The following RPS6KA2 variants were observed in gnomAD, a reference collection of about 807,000 sequenced individuals.
RPS6KA2 encodes ribosomal protein S6 kinase A2, also known as ribosomal protein S6 kinase alpha-2.
A neutral mutation model predicts 91.8 loss-of-function variants in RPS6KA2; 42 were observed. The observed-to-expected ratio is 0.46, with a 90% CI of 0.36 to 0.59. The LOEUF is 0.59. RPS6KA2 is among the 20% of genes least tolerant of loss of function. The pLI is 0.00. For missense variants in RPS6KA2, 798 were observed against 978.5 expected, an observed-to-expected ratio of 0.82 and a Z score of 2.46; for synonymous variants, 414 against 393.6, an observed-to-expected ratio of 1.05 and a Z score of -0.61.
At chr6:166,510,473 A>G in intron 3 of RPS6KA2, 116 bp from the exon 4 acceptor site, 1 of 552,294 alleles carries the variant, frequency 1.8e-6, no homozygotes, top group South Asian at 3.4e-5. Context: ...AATTTCAAAC[A>G]TATACAAAAC....
In RPS6KA2 at chr6:166,464,991, AAAATAAATAAAT is replaced by A. The variant is rs150212089; in HGVS notation, c.972+4838_972+4849del. ...GTGGGATGACAGGTGTTTACTTAAA[AAAATAAATAAAT>A]AAATAAATAAATAAAAAGATCTGCT... On this transcript the variant is annotated intron_variant, in intron 11 of 20. Transcript: ENST00000265678. Among the ~76,000 whole-genome samples the A allele has an allele frequency of 2.4e-3, 363 of 150,850 alleles. 3 individuals carry two copies. The highest frequency in any genetic ancestry group is 8.4e-3 in the African/African-American group (344 of 40,924).
chr6:166,520,589 G>A (rs1216583259), intron 3 of RPS6KA2, among the ~76,000 whole-genome samples: 1 of 152,170 alleles, frequency 6.6e-6, no homozygotes. Context: ...CCCAAAAGTG[G>A]GATGCCCCTA....
chr6:166,834,791 C>G (rs1334876519), intron 2 of RPS6KA2, among the ~76,000 whole-genome samples: 1 of 151,624 alleles, frequency 6.6e-6, no homozygotes, highest in Non-Finnish European at 1.5e-5. Flanking sequence ...CTGACAGTGT[C>G]TTTTCAAGGA....
intron 14 of RPS6KA2, among the ~76,000 whole-genome samples, chr6:166,438,306 G>C (rs545875438): frequency 6.6e-6 from 1 of 152,352 alleles, no homozygotes; most frequent in East Asian, 1.9e-4. Context: ...CACACACAGT[G>C]TGAAGATGGG....
intron 2 of RPS6KA2, among the ~76,000 whole-genome samples, chr6:166,657,024 ACT>A (rs1382847134): frequency 6.0e-5 from 9 of 151,098 alleles, no homozygotes; most frequent in Non-Finnish European, 1.2e-4. Context: ...GAGACCTTGA[ACT>A]CTCCTAGCTG....
At chr6:166,621,796 C>A (rs1390435487) in intron 1 of RPS6KA2, among the ~76,000 whole-genome samples, 1 of 152,178 alleles carries the variant, frequency 6.6e-6, no homozygotes, top group Non-Finnish European at 1.5e-5. Flanking sequence ...CCTGAAGGTC[C>A]CCAAGGCCGC....
chr6:166,578,784 C>T lies in RPS6KA2; in HGVS notation c.100-40000G>A, dbSNP rs192201209. Among the ~76,000 whole-genome samples, 19 of 152,278 alleles carry T rather than the reference C, an allele frequency of 1.2e-4. No individual in the cohort carries two copies. In the Middle Eastern group the frequency reaches 0.017, roughly 136 times the overall value. ...CAATCAGAGTGTCTGGGCTCAGCTCCGAGGTCTTCCACCATGCGCCTCGTG... is the reference window on the plus strand; with the variant it reads ...CAATCAGAGTGTCTGGGCTCAGCTCTGAGGTCTTCCACCATGCGCCTCGTG... On this transcript the variant is annotated intron_variant, in intron 1 of 20. Coordinates refer to ENST00000265678, the MANE Select transcript of RPS6KA2 (RefSeq NM_021135.6).
intron 2 of RPS6KA2, among the ~76,000 whole-genome samples, chr6:166,857,147 T>C (rs73788172): frequency 0.023 from 3,443 of 152,342 alleles, 128 homozygotes; most frequent in African/African-American, 0.079. Context: ...TAGGTTTAGA[T>C]GGTAGTGAAA....
chr6:166,691,307 A>G (rs1204335799), intron 2 of RPS6KA2, among the ~76,000 whole-genome samples: 1 of 151,872 alleles, frequency 6.6e-6, no homozygotes, highest in Non-Finnish European at 1.5e-5. Context: ...TCCTCATCTT[A>G]TGACTCACTC....
chr6:166,476,237 C>T (rs766827206), intron 10 of RPS6KA2, among the ~76,000 whole-genome samples: 4 of 152,138 alleles, frequency 2.6e-5, no homozygotes, highest in Non-Finnish European at 2.9e-5. Context: ...GGTCTAGGAG[C>T]GGCCAGGGAC....
chr6:166,686,581 A>T (rs1313738006), intron 2 of RPS6KA2, among the ~76,000 whole-genome samples: 1 of 152,152 alleles, frequency 6.6e-6, no homozygotes, highest in East Asian at 1.9e-4. Context: ...CATGTGGCTT[A>T]GCTTTCCTTC....
At chr6:166,441,293 C>A (rs1779511179) in intron 14 of RPS6KA2, among the ~76,000 whole-genome samples, 1 of 152,230 alleles carries the variant, frequency 6.6e-6, no homozygotes, top group African/African-American at 2.4e-5. Flanking sequence ...TGTCTCTGCA[C>A]CACTGCTGTT....
At chr6:166,725,699 C>T (rs1790316424) in intron 2 of RPS6KA2, among the ~76,000 whole-genome samples, 1 of 152,276 alleles carries the variant, frequency 6.6e-6, no homozygotes, top group Non-Finnish European at 1.5e-5. Context: ...CCTGCCTTCT[C>T]TTCAGATGCT....
intron 1 of RPS6KA2, among the ~76,000 whole-genome samples, chr6:166,625,635 T>C (rs1047695977): frequency 1.3e-3 from 192 of 150,476 alleles, no homozygotes; most frequent in African/African-American, 4.6e-3. Context: ...AATACTGTTC[T>C]GAGTTTCTGA....
At chr6:166,444,176 G>C (rs1343030829) in intron 14 of RPS6KA2, among the ~76,000 whole-genome samples, 2 of 152,164 alleles carry the variant, frequency 1.3e-5, no homozygotes, top group Non-Finnish European at 2.9e-5. Flanking sequence ...CAGCATCTTT[G>C]ATGGAATAGG....
At chr6:166,415,865 CA>C (rs1359891520) in intron 19 of RPS6KA2, among the ~76,000 whole-genome samples, 1 of 151,770 alleles carries the variant, frequency 6.6e-6, no homozygotes, top group Non-Finnish European at 1.5e-5. Flanking sequence ...ATTCCTCCAT[CA>C]CCCCCACCAT....
intron 14 of RPS6KA2, among the ~76,000 whole-genome samples, chr6:166,444,005 G>A (rs1779600432): frequency 6.6e-6 from 1 of 152,096 alleles, no homozygotes; most frequent in South Asian, 2.1e-4. Flanking sequence ...AGGGCCAACT[G>A]TATATATTTA....
intron 2 of RPS6KA2, among the ~76,000 whole-genome samples, chr6:166,731,037 G>A (rs1350146816): frequency 1.3e-5 from 2 of 152,212 alleles, no homozygotes; most frequent in African/African-American, 2.4e-5. Flanking sequence ...GAGGTCGGGC[G>A]TTTGAGACCA....
chr6:166,416,123 T>TTCTCCATCACCTCCACCACCACCTCCAC (rs59404666), intron 19 of RPS6KA2, among the ~76,000 whole-genome samples: 1 of 684 alleles, frequency 1.5e-3, no homozygotes, highest in African/African-American at 4.3e-3. Context: ...TCACCATCCT[T>TTCTCCATCACCTCCACCACCACCTCCAC]CATCACCCCC....
Sources: allele counts gnomAD v4.1 joint callset (sites outside exome capture counted in the v4.1 genomes callset), GRCh38; gene constraint gnomAD v4.1.1; transcripts MANE v1.5; gene names NCBI Gene and HGNC (gene_info 2026-07-23, HGNC 2026-07-21).